ART3: variants seen among roughly 807,000 people sequenced by gnomAD.
ART3 encodes the protein ecto-ADP-ribosyltransferase 3.
In ART3, 49 loss-of-function variants were observed where a neutral mutation model predicts 48.5. The observed-to-expected ratio is 1.01, with a 90% CI of 0.80 to 1.28. ART3 has a LOEUF of 1.28. Among genes scored for constraint, ART3 ranks in the 50% most tolerant of loss-of-function variants. The pLI is 0.00. For synonymous variants in ART3, 145 were observed against 157.2 expected, an observed-to-expected ratio of 0.92 and a Z score of 0.58; for missense variants, 438 against 454.3, an observed-to-expected ratio of 0.96 and a Z score of 0.33.
chr4:76,105,540 T>A (rs1358229621), intron 10 of ART3: 2 of 1,289,020 alleles, frequency 1.6e-6, no homozygotes, highest in Admixed American at 2.3e-5. Context: ...ATGATACAAC[T>A]GAATGAAAAA....
At chr4:76,034,676 AC>A in intron 1 of ART3, 1 of 849,762 alleles carries the variant, frequency 1.2e-6, no homozygotes, top group Non-Finnish European at 1.9e-6. Flanking sequence ...AAGTCACAAA[AC>A]CATAGAAAAG....
At chr4:76,035,165 A>T in intron 1 of ART3, 5 of 1,613,328 alleles carry the variant, frequency 3.1e-6, no homozygotes, top group Non-Finnish European at 4.2e-6. Flanking sequence ...ATGCAAATAC[A>T]TAAACAAAAA....
rs375011449 is a variant in ART3 at position 76,101,149 on chromosome 4, G to A, written c.937+130G>A. 1.0e-4 allele frequency: 112 copies of A among 1,087,262 alleles called. No homozygotes were observed. In the African/African-American group the frequency reaches 1.4e-3, roughly 14 times the overall value. The allele number at this position is 1,087,262 out of a possible 1,614,324, so 67.4% of individuals were successfully genotyped here. On this transcript the variant is annotated intron_variant, in intron 8 of 11. Coordinates refer to ENST00000355810, the MANE Select transcript of ART3 (RefSeq NM_001130016.3). ...AGAGCTCACCTTAGCTTACTGGTTTGGTATATTAGAGACTCTCCTGGGTTT... is the reference window on the plus strand; with the variant it reads ...AGAGCTCACCTTAGCTTACTGGTTTAGTATATTAGAGACTCTCCTGGGTTT...
intron 1 of ART3, chr4:76,021,593 G>A (rs1732817508): frequency 4.4e-6 from 1 of 228,408 alleles, no homozygotes; most frequent in East Asian, 8.7e-5. Flanking sequence ...AAACCCCAAA[G>A]CAGAAAGATT....
chr4:76,112,607 G>A lies in ART3; in HGVS notation c.*88G>A, dbSNP rs982639883. ...TCAAAAGGAATGATGTATTTTTTACGTGTTGGCCAAAGTCACTGGATAAAA... is the reference window on the plus strand; with the variant it reads ...TCAAAAGGAATGATGTATTTTTTACATGTTGGCCAAAGTCACTGGATAAAA... On this transcript the variant is annotated 3_prime_UTR_variant, in exon 12 of 12. Coordinates refer to ENST00000355810, the MANE Select transcript of ART3 (RefSeq NM_001130016.3). The A allele has an allele frequency of 7.2e-6, 10 of 1,395,784 alleles. No individual in the cohort carries two copies. In the East Asian group the frequency reaches 1.2e-4, roughly 17 times the overall value. 86.5% of individuals were successfully genotyped at this position (1,395,784 alleles called of 1,614,324 possible).
intron 1 of ART3, among the ~76,000 whole-genome samples, chr4:76,027,549 A>C (rs965305556): frequency 7.7e-6 from 1 of 130,134 alleles, no homozygotes; most frequent in Admixed American, 8.2e-5. Flanking sequence ...ATGCCGTGTT[A>C]GGATTCTATA....
At chr4:76,094,622 C>T (rs1725611577) in intron 3 of ART3, among the ~76,000 whole-genome samples, 1 of 152,146 alleles carries the variant, frequency 6.6e-6, no homozygotes, top group African/African-American at 2.4e-5. Flanking sequence ...GAGGCTGTAC[C>T]CTTCTCAATA....
intron 1 of ART3, among the ~76,000 whole-genome samples, chr4:76,013,522 G>A (rs17001313): frequency 0.01 from 1,586 of 152,176 alleles, 89 homozygotes; most frequent in Admixed American, 0.091. Context: ...TTGTGTCTAC[G>A]TAGTTTATAT....
At chr4:76,072,819 A>G (rs562030585), upstream of ART3, among the ~76,000 whole-genome samples, 1 of 152,134 alleles carries the variant, frequency 6.6e-6, no homozygotes, top group South Asian at 2.1e-4. Context: ...TTCCTCAAAC[A>G]AAAGTAGGCA....
chr4:76,056,104 G>T (rs1392439452), intron 1 of ART3, among the ~76,000 whole-genome samples: 1 of 152,188 alleles, frequency 6.6e-6, no homozygotes, highest in Non-Finnish European at 1.5e-5. Context: ...TAAGACTTCG[G>T]TGACAGTGCT....
At chr4:76,021,949 C>G (rs1386730660) in intron 1 of ART3, 1 of 1,610,742 alleles carries the variant, frequency 6.2e-7, no homozygotes, top group African/African-American at 1.3e-5. Context: ...TCTTTTAGAC[C>G]TGTAAGAAGA....
rs1734444845 is a variant in ART3 at position 76,036,672 on chromosome 4, ATTT to A, written c.-10+25353_-10+25355del. 6 of 25,750 alleles carry A rather than the reference ATTT, an allele frequency of 2.3e-4. No homozygotes were observed. In the South Asian group the frequency reaches 5.6e-3, roughly 24 times the overall value. The allele number at this position is 25,750 out of a possible 1,614,324, so 1.6% of individuals were successfully genotyped here. The stretch of plus-strand genomic sequence containing the variant: ...TTGTTTTGCTTTATTTTATTTTTAA[ATTT>A]AATTTAATTTTATTACTTTATTTTA... On this transcript the variant is annotated intron_variant, in intron 1 of 9. Coordinates refer to the ART3 transcript ENST00000341029.
chr4:76,093,803 A>G (rs539404585), intron 3 of ART3, among the ~76,000 whole-genome samples: 1 of 152,318 alleles, frequency 6.6e-6, no homozygotes, highest in African/African-American at 2.4e-5. Flanking sequence ...TTTTATCTCT[A>G]GAAATTCAAT....
At chr4:76,036,054 G>C in intron 1 of ART3, 7 of 1,437,992 alleles carry the variant, frequency 4.9e-6, no homozygotes, top group Non-Finnish European at 6.8e-6. Context: ...TTCTTGGAAG[G>C]AGTAGAAATG....
At chr4:76,098,200 CA>C (rs35470242) in intron 4 of ART3, among the ~76,000 whole-genome samples, 69,219 of 127,914 alleles carry the variant, frequency 0.54, 16,933 homozygotes, top group East Asian at 0.9. Context: ...AGGATGTGAC[CA>C]AAAAAAAAAA....
At chr4:76,099,413 A>G (rs934389322) in intron 5 of ART3, 1 of 189,656 alleles carries the variant, frequency 5.3e-6, no homozygotes, top group Admixed American at 5.4e-5. Context: ...GACTTGGCCT[A>G]TATGAGAGGA....
chr4:76,041,739 A>G (rs754377707), intron 1 of ART3, among the ~76,000 whole-genome samples: 1 of 152,196 alleles, frequency 6.6e-6, no homozygotes, highest in Non-Finnish European at 1.5e-5. Context: ...ACATGTGTTT[A>G]GTGGCTACCA....
chr4:76,040,497 C>G (rs576579378), intron 1 of ART3, among the ~76,000 whole-genome samples: 2 of 137,840 alleles, frequency 1.5e-5, no homozygotes, highest in East Asian at 4.9e-4. Flanking sequence ...CTAACAAGTT[C>G]TATATCAGAC....
chr4:76,093,576 A>C (rs1021545239), intron 3 of ART3, among the ~76,000 whole-genome samples: 5 of 152,200 alleles, frequency 3.3e-5, no homozygotes, highest in Admixed American at 6.5e-5. Context: ...TAATTGCCCC[A>C]CCTGAAGGCC....
Sources: gnomAD v4.1 joint callset for allele counts (sites outside exome capture counted in the v4.1 genomes callset) on GRCh38, gnomAD v4.1.1 for gene constraint, MANE v1.5 for transcripts, NCBI Gene and HGNC (gene_info 2026-07-23, HGNC 2026-07-21) for gene names.